EGFR: variants seen among roughly 807,000 people sequenced by gnomAD.
EGFR encodes the protein epidermal growth factor receptor, also known as avian erythroblastic leukemia viral (v-erb-b) oncogene homolog.
In EGFR, 58 loss-of-function variants were observed where a neutral mutation model predicts 143.0. The ratio of observed to expected loss-of-function variants is 0.41; its 90% CI spans 0.33 to 0.50. The LOEUF (loss-of-function observed/expected upper bound fraction) is 0.50. Ranked by LOEUF, EGFR falls within the 20% of genes least tolerant of loss-of-function variation. EGFR has a pLI of 0.39. For missense variants in EGFR, 1,307 were observed against 1,579.0 expected (o/e 0.83, Z 2.92); for synonymous variants, 613 against 594.4 (o/e 1.03, Z -0.45).
chr7:55,049,127 G>A (rs1788340303), intron 1 of EGFR, among the ~76,000 whole-genome samples: 1 of 152,196 alleles, frequency 6.6e-6, no homozygotes, highest in Non-Finnish European at 1.5e-5. Context: ...ATGCAATACA[G>A]TTTTACAGGA....
intron 1 of EGFR, among the ~76,000 whole-genome samples, chr7:55,091,091 T>A (rs755584945): frequency 1.6e-4 from 24 of 152,224 alleles, no homozygotes; most frequent in Non-Finnish European, 2.5e-4. Context: ...ATCGCTGAGT[T>A]GGCAAGTGAT....
At chr7:55,074,341 A>G (rs943452544) in intron 1 of EGFR, among the ~76,000 whole-genome samples, 3 of 152,212 alleles carry the variant, frequency 2.0e-5, no homozygotes, top group African/African-American at 2.4e-5. Context: ...AGCAGCATTA[A>G]TACTCTGGCT....
intron 1 of EGFR, among the ~76,000 whole-genome samples, chr7:55,107,894 AAATGGT>A: frequency 6.6e-6 from 1 of 152,364 alleles, no homozygotes; most frequent in South Asian, 2.1e-4. Flanking sequence ...AATCTCATGT[AAATGGT>A]ACTATACTAT....
chr7:55,107,105 T>C (rs1383337092), intron 1 of EGFR, among the ~76,000 whole-genome samples: 1 of 152,210 alleles, frequency 6.6e-6, no homozygotes. Flanking sequence ...TCAGAAAAGA[T>C]AGAAGCAGCA....
intron 20 of EGFR, chr7:55,188,787 C>T (rs1037989893): frequency 6.6e-6 from 1 of 152,192 alleles, no homozygotes; most frequent in Non-Finnish European, 1.5e-5. Context: ...GTCAAGTCTC[C>T]TCTAAGTTCA....
At chr7:55,072,089 GGTTAGGCCTTGGAATCCAGCTCTCATTTC>G (rs71014678) in intron 1 of EGFR, among the ~76,000 whole-genome samples, 44,740 of 151,918 alleles carry the variant, frequency 0.29, 7,064 homozygotes, top group Non-Finnish European at 0.36. Context: ...GAAACTCCCT[GGTTAGGCCTTGGAATCCAGCTCTCATTTC>G]GTATGTGACC....
chr7:55,098,333 C>T (rs1791600751), intron 1 of EGFR, among the ~76,000 whole-genome samples: 1 of 152,210 alleles, frequency 6.6e-6, no homozygotes, highest in South Asian at 2.1e-4. Context: ...GAACTGCTCT[C>T]TCCTGAGGGT....
At chr7:55,193,981 C>T (rs1160722606) in intron 22 of EGFR, among the ~76,000 whole-genome samples, 6 of 152,140 alleles carry the variant, frequency 3.9e-5, no homozygotes, top group Non-Finnish European at 5.9e-5. Context: ...GTGAGCTGAG[C>T]CACCTCAATT....
In EGFR at chr7:55,146,719, T is replaced by A. The variant is rs2128929619; in HGVS notation, c.538T>A (p.Phe180Ile). ...SDFLSNMSMD[F>I]QNHLGSCQKC... Reference sequence around the variant, plus strand: ...CTTTCTCAGCAACATGTCGATGGACTTCCAGAACCACCTGGGCAGCTGTAA... The same window carrying A: ...CTTTCTCAGCAACATGTCGATGGACATCCAGAACCACCTGGGCAGCTGTAA... The change falls in exon 4 of 28, where the codon TTC becomes ATC. Residue 180 changes from phenylalanine to isoleucine, a missense_variant. Coordinates refer to ENST00000275493, the MANE Select transcript of EGFR (RefSeq NM_005228.5). 6.2e-7 allele frequency: 1 copy of A among 1,614,192 alleles called. No individual in the cohort carries two copies. The highest frequency in any genetic ancestry group is 8.5e-7 in the Non-Finnish European group (1 of 1,180,030).
chr7:55,124,166 A>T (rs750085112), intron 1 of EGFR, among the ~76,000 whole-genome samples: 40 of 152,336 alleles, frequency 2.6e-4, no homozygotes, highest in Non-Finnish European at 5.6e-4. Context: ...TGGTTTTAAA[A>T]TGTTCAGACT....
chr7:55,034,920 T>C (rs1180792835), intron 1 of EGFR, among the ~76,000 whole-genome samples: 2 of 152,224 alleles, frequency 1.3e-5, no homozygotes, highest in African/African-American at 4.8e-5. Flanking sequence ...GAGGATTTAA[T>C]AGATATTTGA....
chr7:55,146,419 C>T (rs55977869), intron 3 of EGFR, among the ~76,000 whole-genome samples, 187 bp from the exon 4 acceptor site: 2 of 152,308 alleles, frequency 1.3e-5, no homozygotes, highest in African/African-American at 4.8e-5. Context: ...ACCCTAGCTC[C>T]TCCATGGCAC....
At chr7:55,084,162 T>C (rs1790627724) in intron 1 of EGFR, among the ~76,000 whole-genome samples, 1 of 152,160 alleles carries the variant, frequency 6.6e-6, no homozygotes, top group African/African-American at 2.4e-5. Context: ...AACACACACT[T>C]CTTATCTCTG....
In EGFR at chr7:55,208,105, A is replaced by C; in HGVS notation, c.*2488A>C. 6.6e-6 allele frequency: 1 copy of C among 152,192 alleles called. No homozygotes were observed. Among genetic ancestry groups the C allele is most frequent in the Middle Eastern group, 3.2e-3 (1 of 316 alleles). The allele number at this position is 152,192 out of a possible 1,614,324, so 9.4% of individuals were successfully genotyped here. On this transcript the variant is annotated 3_prime_UTR_variant, in exon 28 of 28. Coordinates refer to ENST00000275493, the MANE Select transcript of EGFR (RefSeq NM_005228.5). ...ATTCTAGCTTTCTTCTTCATATTTT[A>C]ATTTTCCACCATAAAGTTTAGTTGC...
rs149006234 is a variant in EGFR, at chr7:55,146,649, G to A, written c.468G>A (p.Leu156=). ...GAVRFSNNPA[L]CNVESIQWRD... is the part of the protein sequence containing the mutation. ...TGCGGTTCAGCAACAACCCTGCCCT[G>A]TGCAACGTGGAGAGCATCCAGTGGC... Residue 156 remains leucine, a synonymous_variant, in exon 4 of 28, where the codon CTG becomes CTA. Coordinates refer to ENST00000275493, the MANE Select transcript of EGFR (RefSeq NM_005228.5). The A allele has an allele frequency of 6.2e-6, 10 of 1,614,098 alleles. No homozygotes were observed. Among genetic ancestry groups the A allele is most frequent in the Non-Finnish European group, 8.5e-6 (10 of 1,179,968 alleles).
In EGFR at chr7:55,024,684, C is replaced by T. The variant is rs144352547; in HGVS notation, c.88+5319C>T. Among the ~76,000 whole-genome samples, 718 of 152,018 alleles carry T rather than the reference C, an allele frequency of 4.7e-3. 5 individuals carry two copies. Among genetic ancestry groups the T allele is most frequent in the South Asian group, 0.031 (146 of 4,786 alleles). On this transcript the variant is annotated intron_variant, in intron 1 of 27. Transcript: ENST00000275493. ...GTATTGGTACCTGTTACAACTTAGG[C>T]TTTTTTTTCTTTATGTTTGAGCCAT...
At chr7:55,161,354 T>C in intron 12 of EGFR, 145 bp from the exon 13 acceptor site, 1 of 1,169,840 alleles carries the variant, frequency 8.5e-7, no homozygotes. Context: ...GCCCAGTCTG[T>C]GTCCTCCTCC....
chr7:55,120,124 T>C (rs1411290744), intron 1 of EGFR, among the ~76,000 whole-genome samples: 1 of 152,210 alleles, frequency 6.6e-6, no homozygotes, highest in Non-Finnish European at 1.5e-5. Flanking sequence ...GCTACTCTTT[T>C]TCAGTGTTTC....
chr7:55,019,754 C>T (rs1156296666), intron 1 of EGFR, among the ~76,000 whole-genome samples: 4 of 152,212 alleles, frequency 2.6e-5, no homozygotes, highest in African/African-American at 7.2e-5. Context: ...CCCGCACGTG[C>T]GCCCCGCGCT....
Sources: gnomAD v4.1 joint callset for allele counts (sites outside exome capture counted in the v4.1 genomes callset) on GRCh38, gnomAD v4.1.1 for gene constraint, MANE v1.5 for transcripts, NCBI Gene and HGNC (gene_info 2026-07-23, HGNC 2026-07-21) for gene names.